PLXNA4: variants seen among roughly 807,000 people sequenced by gnomAD.
PLXNA4 encodes plexin-A4.
A neutral mutation model predicts 191.8 loss-of-function variants in PLXNA4; 44 were observed. The observed-to-expected ratio is 0.23, with a 90% CI of 0.18 to 0.29. The LOEUF is 0.29. Among genes scored for constraint, PLXNA4 ranks in the 10% least tolerant of loss-of-function variants. PLXNA4 has a pLI of 1.00. For missense variants in PLXNA4, 1,800 were observed against 2,488.8 expected (o/e 0.72, Z 5.89); for synonymous variants, 1,082 against 1,009.5 (o/e 1.07, Z -1.36).
chr7:132,566,593 C>T (rs1460436742), intron 1 of PLXNA4, among the ~76,000 whole-genome samples: 1 of 152,044 alleles, frequency 6.6e-6, no homozygotes, highest in Admixed American at 6.6e-5. Context: ...TATATTGAAG[C>T]CTCTTATTCA....
intron 1 of PLXNA4, among the ~76,000 whole-genome samples, chr7:132,521,534 C>A (rs944181724): frequency 6.6e-5 from 10 of 152,094 alleles, no homozygotes; most frequent in African/African-American, 2.4e-4. Flanking sequence ...AGTCAAATGG[C>A]CAAGAAGATG....
chr7:132,392,650 C>T (rs1018469601), intron 3 of PLXNA4, among the ~76,000 whole-genome samples: 2 of 152,354 alleles, frequency 1.3e-5, no homozygotes, highest in South Asian at 2.1e-4. Flanking sequence ...CTGAGCATCG[C>T]GCATTGCTGT....
intron 3 of PLXNA4, among the ~76,000 whole-genome samples, chr7:132,394,342 G>A (rs1024180957): frequency 1.3e-5 from 2 of 152,148 alleles, no homozygotes; most frequent in Non-Finnish European, 1.5e-5. Context: ...AGGGGAGCAG[G>A]TGAAGGGACC....
At chr7:132,511,442 C>T (rs1798711225) in intron 1 of PLXNA4, among the ~76,000 whole-genome samples, 1 of 152,160 alleles carries the variant, frequency 6.6e-6, no homozygotes, top group Admixed American at 6.5e-5. Flanking sequence ...CTTAGAAGCC[C>T]TTGTTAACTC....
In PLXNA4 at chr7:132,198,017, G is replaced by A. The variant is rs575410385; in HGVS notation, c.2738+468C>T. Among the ~76,000 whole-genome samples the A allele has an allele frequency of 3.9e-5, 6 of 152,244 alleles. No homozygotes were observed. The East Asian group carries it at 7.7e-4, about 20-fold the overall frequency. On this transcript the variant is annotated intron_variant, in intron 13 of 31. Transcript: ENST00000321063. ...TCTTTTGCTGAATGACCCATTCAGT[G>A]GGCCAGCAGACTTTCAAAGAGAAAA...
chr7:132,414,169 A>C lies in PLXNA4; in HGVS notation c.1371+75123T>G, dbSNP rs1011649005. Among the ~76,000 whole-genome samples the C allele has an allele frequency of 3.3e-5, 5 of 152,332 alleles. No individual in the cohort carries two copies. In the East Asian group the frequency reaches 9.6e-4, roughly 29 times the overall value. ...GTAATGGCTACAACCTTGTAAGGAC[A>C]TGAGTCCAAGTTCATTAAGAAGCTG... On this transcript the variant is annotated intron_variant, in intron 3 of 31. Coordinates refer to ENST00000321063, the MANE Select transcript of PLXNA4 (RefSeq NM_020911.2).
intron 2 of PLXNA4, among the ~76,000 whole-genome samples, chr7:132,633,709 T>C (rs1402571117): frequency 6.6e-6 from 1 of 152,098 alleles, no homozygotes; most frequent in East Asian, 1.9e-4. Flanking sequence ...ATTTTTCACG[T>C]TTTTCCCCCA....
chr7:132,601,407 T>C (rs571934399), intron 2 of PLXNA4, among the ~76,000 whole-genome samples: 21 of 152,256 alleles, frequency 1.4e-4, no homozygotes, highest in Admixed American at 1.3e-3. Flanking sequence ...CCATCTGAAA[T>C]AAAGACAAAG....
intron 2 of PLXNA4, among the ~76,000 whole-genome samples, chr7:132,586,603 A>G (rs2116819913): frequency 6.6e-6 from 1 of 152,164 alleles, no homozygotes; most frequent in East Asian, 1.9e-4. Context: ...ATACAAAACA[A>G]TTAGCCGGGC....
At chr7:132,256,932 T>C (rs1799453853) in intron 4 of PLXNA4, among the ~76,000 whole-genome samples, 2 of 152,214 alleles carry the variant, frequency 1.3e-5, no homozygotes, top group African/African-American at 4.8e-5. Context: ...TGTACATGGC[T>C]TCCCCATTCA....
chr7:132,525,329 A>T (rs114775516), intron 1 of PLXNA4, among the ~76,000 whole-genome samples: 3,834 of 152,290 alleles, frequency 0.025, 174 homozygotes, highest in African/African-American at 0.087. Flanking sequence ...GGCTCACTGC[A>T]GCCTCTAACA....
intron 3 of PLXNA4, among the ~76,000 whole-genome samples, chr7:132,453,939 C>T (rs1268023240): frequency 1.3e-5 from 2 of 152,192 alleles, no homozygotes; most frequent in Non-Finnish European, 2.9e-5. Context: ...TTTGACCCAC[C>T]GTCAGCAGAA....
At chr7:132,459,708 T>G (rs1158220122) in intron 3 of PLXNA4, among the ~76,000 whole-genome samples, 1 of 152,124 alleles carries the variant, frequency 6.6e-6, no homozygotes, top group Non-Finnish European at 1.5e-5. Flanking sequence ...CTGTTGGTGG[T>G]GGGGATGCTG....
intron 3 of PLXNA4, among the ~76,000 whole-genome samples, chr7:132,393,190 A>ACCCCCCCCCCCCC (rs747385813): frequency 1.1e-5 from 1 of 95,198 alleles, no homozygotes; most frequent in Admixed American, 1.2e-4. Context: ...GACCCCCAAC[A>ACCCCCCCCCCCCC]CCCCCCCCCA....
chr7:132,377,245 T>C (rs1354577395), intron 3 of PLXNA4, among the ~76,000 whole-genome samples: 1 of 152,122 alleles, frequency 6.6e-6, no homozygotes, highest in East Asian at 1.9e-4. Context: ...ATAACTTCTC[T>C]CCTTTTCCTA....
intron 4 of PLXNA4, among the ~76,000 whole-genome samples, chr7:132,248,097 C>T (rs900489540): frequency 2.0e-5 from 3 of 152,208 alleles, no homozygotes; most frequent in Non-Finnish European, 4.4e-5. Context: ...TGGTAGGAAA[C>T]ACGAGGCAAA....
At chr7:132,488,279 T>C (rs1293436204) in intron 3 of PLXNA4, among the ~76,000 whole-genome samples, 1 of 152,150 alleles carries the variant, frequency 6.6e-6, no homozygotes, top group African/African-American at 2.4e-5. Context: ...CATTGTTGGA[T>C]GGTAAAATAG....
chr7:132,482,169 C>T (rs1797363703), intron 3 of PLXNA4, among the ~76,000 whole-genome samples: 1 of 152,186 alleles, frequency 6.6e-6, no homozygotes, highest in South Asian at 2.1e-4. Context: ...CTACAGAGTC[C>T]CTTCCTGGAG....
chr7:132,128,201 T>A lies in PLXNA4; in HGVS notation c.*2278A>T, dbSNP rs139525626. The A allele has an allele frequency of 1.9e-4, 29 of 152,330 alleles. No homozygotes were observed. The highest frequency in any genetic ancestry group is 7.0e-4 in the African/African-American group (29 of 41,566). The allele number at this position is 152,330 out of a possible 1,614,324, so 9.4% of individuals were successfully genotyped here. On this transcript the variant is annotated 3_prime_UTR_variant, in exon 32 of 32. Transcript: ENST00000321063. ...CTTCCAGGTCCTGTGACTGACTTCT[T>A]GGGAGGGAATAAAATGATCAAGGAT...
Sources: gnomAD v4.1 joint callset for allele counts (sites outside exome capture counted in the v4.1 genomes callset) on GRCh38, gnomAD v4.1.1 for gene constraint, MANE v1.5 for transcripts, NCBI Gene and HGNC (gene_info 2026-07-23, HGNC 2026-07-21) for gene names.